The following ELMOD2 variants were observed in gnomAD, a reference collection of about 807,000 sequenced individuals.
ELMOD2 encodes the protein ELMO domain containing 2, also known as ELMO domain-containing protein 2.
A neutral mutation model predicts 41.0 loss-of-function variants in ELMOD2; 28 were observed. The ratio of observed to expected loss-of-function variants is 0.68; its 90% CI spans 0.51 to 0.94. The LOEUF (loss-of-function observed/expected upper bound fraction) is 0.94, where lower values mean the gene tolerates loss of function less well. Among genes scored for constraint, ELMOD2 ranks in the 40% least tolerant of loss-of-function variants. The probability of loss-of-function intolerance (pLI) is 0.00; values close to 1 mark genes in which losing one functional copy is unlikely to be tolerated. For synonymous variants in ELMOD2, 106 were observed against 107.2 expected (o/e 0.99, Z 0.07); for missense variants, 333 against 343.1 (o/e 0.97, Z 0.23).
At chr4:140,534,657 A>G (rs1402640136) in intron 3 of ELMOD2, among the ~76,000 whole-genome samples, 1 of 152,224 alleles carries the variant, frequency 6.6e-6, no homozygotes, top group Non-Finnish European at 1.5e-5. Flanking sequence ...GGGCAAGTTC[A>G]TTCAATCAGT....
intron 5 of ELMOD2, among the ~76,000 whole-genome samples, chr4:140,537,983 A>G (rs1390037933): frequency 2.0e-5 from 3 of 152,196 alleles, no homozygotes; most frequent in East Asian, 1.9e-4. Flanking sequence ...ATTTTGTCCA[A>G]TCTTTTGGGA....
At chr4:140,545,518 A>C (rs1173231316) in intron 8 of ELMOD2, among the ~76,000 whole-genome samples, 1 of 152,204 alleles carries the variant, frequency 6.6e-6, no homozygotes. Context: ...TTAATGGATA[A>C]GGATAAAGAA....
intron 8 of ELMOD2, among the ~76,000 whole-genome samples, chr4:140,546,324 C>T (rs578028345): frequency 2.1e-4 from 31 of 149,662 alleles, no homozygotes; most frequent in Admixed American, 1.3e-3. Context: ...TATCACACAC[C>T]GGGGCCTGTT....
At chr4:140,531,706 C>G (rs1219280905) in intron 3 of ELMOD2, among the ~76,000 whole-genome samples, 3 of 152,184 alleles carry the variant, frequency 2.0e-5, no homozygotes, top group Non-Finnish European at 4.4e-5. Flanking sequence ...CCACTACAGC[C>G]TATAGTCATT....
At chr4:140,541,893 A>G (rs1490324515) in intron 6 of ELMOD2, among the ~76,000 whole-genome samples, 4 of 152,092 alleles carry the variant, frequency 2.6e-5, no homozygotes, top group Non-Finnish European at 5.9e-5. Flanking sequence ...GTCCTCTAAA[A>G]TGTAAATAAA....
chr4:140,540,030 T>G (rs990677103), intron 5 of ELMOD2, 138 bp from the exon 6 acceptor site: 1 of 987,796 alleles, frequency 1.0e-6, no homozygotes. Flanking sequence ...GTGCTGCGTG[T>G]TTTAGGATAA....
chr4:140,533,614 A>G (rs1294200222), intron 3 of ELMOD2, among the ~76,000 whole-genome samples: 1 of 152,198 alleles, frequency 6.6e-6, no homozygotes, highest in Non-Finnish European at 1.5e-5. Flanking sequence ...AAAAAAATTG[A>G]AAAGTTAAAC....
At chr4:140,546,334 T>G in intron 8 of ELMOD2, among the ~76,000 whole-genome samples, 1 of 150,606 alleles carries the variant, frequency 6.6e-6, no homozygotes, top group Non-Finnish European at 1.5e-5. Context: ...CGGGGCCTGT[T>G]GTGGGGTTGG....
At chr4:140,535,137 T>TTCTCTC (rs10526729) in intron 3 of ELMOD2, among the ~76,000 whole-genome samples, 13 of 141,502 alleles carry the variant, frequency 9.2e-5, no homozygotes, top group African/African-American at 3.2e-4. Flanking sequence ...ATCTGTTTCT[T>TTCTCTC]TCTCTCTCTC....
At chr4:140,530,916 T>G (rs1560824702) in intron 3 of ELMOD2, among the ~76,000 whole-genome samples, 1 of 152,158 alleles carries the variant, frequency 6.6e-6, no homozygotes, top group Non-Finnish European at 1.5e-5. Context: ...TTACCAGTTG[T>G]TTGACTGTGT....
At position 140,537,468 on chromosome 4, in the gene ELMOD2, A is replaced by G. The variant is rs1402234388; in HGVS notation, c.326A>G (p.Tyr109Cys). Residue 109 changes from tyrosine to cysteine, a missense_variant, in exon 5 of 9, where the codon TAT becomes TGT. Tyr to Cys is a radical substitution (Grantham distance 194). Transcript: ENST00000323570. ...LLQITGYKQL[Y>C]LDVESVRKRP... Reference sequence around the variant, plus strand: ...CAGATAACTGGTTATAAACAGCTGTATTTGGATGTAGAAAGTGTGAGGAAA... The same window carrying G: ...CAGATAACTGGTTATAAACAGCTGTGTTTGGATGTAGAAAGTGTGAGGAAA... The G allele has an allele frequency of 6.3e-7, 1 of 1,582,774 alleles. No individual in the cohort carries two copies. Among genetic ancestry groups the G allele is most frequent in the Admixed American group, 1.8e-5 (1 of 54,914 alleles).
Position 140,537,501 on chromosome 4 carries a change from A to G in ELMOD2, c.359A>G (p.Tyr120Cys), listed in dbSNP as rs1487137636. Reference sequence around the variant, plus strand: ...GTAGAAAGTGTGAGGAAAAGGCCATATGATTCTGATAACCTACAGCATGAA... The same window carrying G: ...GTAGAAAGTGTGAGGAAAAGGCCATGTGATTCTGATAACCTACAGCATGAA... ...LDVESVRKRPYDSDNLQHEEL... is the reference protein window; with the variant it reads ...LDVESVRKRPCDSDNLQHEEL... The change falls in exon 5 of 9, where the codon TAT (tyrosine) becomes TGT (cysteine). Residue 120 changes from tyrosine to cysteine, a missense_variant. Tyr to Cys is a radical substitution (Grantham distance 194, BLOSUM62 -2). Transcript: ENST00000323570. 2.5e-6 allele frequency: 4 copies of G among 1,599,810 alleles called. No individual in the cohort carries two copies. Among genetic ancestry groups the G allele is most frequent in the South Asian group, 1.1e-5 (1 of 87,762 alleles).
intron 3 of ELMOD2, among the ~76,000 whole-genome samples, chr4:140,534,266 T>A (rs1486542020): frequency 6.6e-6 from 1 of 152,148 alleles, no homozygotes; most frequent in Non-Finnish European, 1.5e-5. Flanking sequence ...AGAATGTGGA[T>A]GAATCCTAGA....
At position 140,542,241 on chromosome 4, in the gene ELMOD2, A is replaced by T. The variant is rs529386651; in HGVS notation, c.534-333A>T. Among the ~76,000 whole-genome samples, 10 of 151,976 alleles carry T rather than the reference A, an allele frequency of 6.6e-5. No individual in the cohort carries two copies. The South Asian group carries it at 2.1e-3, about 32-fold the overall frequency. The stretch of plus-strand genomic sequence containing the variant: ...TAAGGAAGAGTGTCCTAACAGGTAC[A>T]TATTGACTCTTTCATAGAAATAGAA... On this transcript the variant is annotated intron_variant, in intron 6 of 8. Transcript: ENST00000323570.
intron 6 of ELMOD2, among the ~76,000 whole-genome samples, chr4:140,540,573 G>C (rs1735074175): frequency 6.6e-6 from 1 of 151,970 alleles, no homozygotes; most frequent in South Asian, 2.1e-4. Context: ...GAGCAATATA[G>C]TGAGACCCTG....
chr4:140,534,970 T>C, intron 3 of ELMOD2, among the ~76,000 whole-genome samples: 1 of 152,190 alleles, frequency 6.6e-6, no homozygotes, highest in Non-Finnish European at 1.5e-5. Context: ...GTAGTCCTTT[T>C]ACCAGTGCTG....
chr4:140,531,880 T>G (rs1457186753), intron 3 of ELMOD2, among the ~76,000 whole-genome samples: 2 of 152,208 alleles, frequency 1.3e-5, no homozygotes, highest in Admixed American at 1.3e-4. Flanking sequence ...AACTGTAATT[T>G]AAAATTTTTT....
rs187422047 is a variant in ELMOD2, at chr4:140,530,372, G to A, written c.171+2878G>A. ...TTCAGTATTCAACCAGGGTCTTTGG[G>A]ATATTCAAAAGATATACAAAAGAAG... On this transcript the variant is annotated intron_variant, in intron 3 of 8. Coordinates refer to ENST00000323570, the MANE Select transcript of ELMOD2 (RefSeq NM_153702.4). 9.3e-4 allele frequency among the ~76,000 whole-genome samples: 141 copies of A among 152,232 alleles called. 2 individuals are homozygous for A. Among genetic ancestry groups the A allele is most frequent in the Non-Finnish European group, 1.4e-3 (93 of 68,004 alleles).
At chr4:140,528,388 T>G (rs1734637764) in intron 3 of ELMOD2, among the ~76,000 whole-genome samples, 1 of 152,210 alleles carries the variant, frequency 6.6e-6, no homozygotes, top group Non-Finnish European at 1.5e-5. Flanking sequence ...ACGGGTCATC[T>G]AGACCATTGT....
Sources: allele counts gnomAD v4.1 joint callset (sites outside exome capture counted in the v4.1 genomes callset), GRCh38; gene constraint gnomAD v4.1.1; transcripts MANE v1.5; gene names NCBI Gene and HGNC (gene_info 2026-07-23, HGNC 2026-07-21).